Variants in COLGALT2 observed in about 807,000 individuals in gnomAD.
The protein encoded by COLGALT2 is procollagen galactosyltransferase 2.
COLGALT2 carries 49 observed loss-of-function variants against 73.4 expected under a neutral mutation model. That is an observed-to-expected ratio of 0.67 (90% CI 0.53 to 0.85). The LOEUF is 0.85. COLGALT2 is among the 40% of genes least tolerant of loss of function. The probability of loss-of-function intolerance (pLI) is 0.00; values close to 1 mark genes in which losing one functional copy is unlikely to be tolerated. For synonymous variants in COLGALT2, 295 were observed against 307.6 expected (o/e 0.96, Z 0.43); for missense variants, 722 against 790.2 (o/e 0.91, Z 1.03).
chr1:183,998,145 A>G (rs60313520), intron 1 of COLGALT2, among the ~76,000 whole-genome samples: 1,553 of 152,324 alleles, frequency 0.01, 23 homozygotes, highest in African/African-American at 0.036. Context: ...TGTCTATTGC[A>G]TATATATTCC....
At chr1:184,015,349 C>A (rs1003384239) in intron 1 of COLGALT2, among the ~76,000 whole-genome samples, 1 of 152,170 alleles carries the variant, frequency 6.6e-6, no homozygotes. Context: ...TGACCAGGTG[C>A]TCTAACCAAC....
chr1:183,963,195 G>A (rs778113362), intron 6 of COLGALT2, among the ~76,000 whole-genome samples: 5 of 152,152 alleles, frequency 3.3e-5, no homozygotes, highest in Non-Finnish European at 7.4e-5. Flanking sequence ...TAGTGTTTAA[G>A]GACATGAACT....
chr1:183,988,466 A>G (rs2102827869), intron 1 of COLGALT2, among the ~76,000 whole-genome samples: 1 of 152,238 alleles, frequency 6.6e-6, no homozygotes, highest in Non-Finnish European at 1.5e-5. Flanking sequence ...CATCACCTCA[A>G]AAAGAAACCC....
intron 6 of COLGALT2, among the ~76,000 whole-genome samples, chr1:183,961,269 T>C (rs1389344061): frequency 6.6e-6 from 1 of 152,232 alleles, no homozygotes. Flanking sequence ...AAATGAACTC[T>C]ACCTGGCTAG....
At chr1:184,019,624 A>G (rs1225648381) in intron 1 of COLGALT2, among the ~76,000 whole-genome samples, 2 of 152,234 alleles carry the variant, frequency 1.3e-5, no homozygotes, top group African/African-American at 2.4e-5. Context: ...TTTCAGAGGA[A>G]TAACACTCCA....
chr1:183,931,778 G>T (rs1669850821), downstream of COLGALT2, among the ~76,000 whole-genome samples: 1 of 145,708 alleles, frequency 6.9e-6, no homozygotes, highest in Non-Finnish European at 1.5e-5. Context: ...AATGAAAAGG[G>T]TTACCAATGC....
intron 6 of COLGALT2, among the ~76,000 whole-genome samples, chr1:183,960,656 C>G (rs1029553094): frequency 9.9e-5 from 15 of 152,214 alleles, no homozygotes; most frequent in Non-Finnish European, 1.8e-4. Flanking sequence ...TATACTAATG[C>G]AAGCTTGTTC....
intron 2 of COLGALT2, among the ~76,000 whole-genome samples, chr1:183,976,052 A>G (rs1021116990): frequency 2.0e-5 from 3 of 152,234 alleles, no homozygotes; most frequent in Non-Finnish European, 4.4e-5. Flanking sequence ...TATTGTTTCA[A>G]TGAAAATCAG....
chr1:184,023,143 A>C (rs1649226201), intron 1 of COLGALT2, among the ~76,000 whole-genome samples: 1 of 152,090 alleles, frequency 6.6e-6, no homozygotes, highest in Non-Finnish European at 1.5e-5. Context: ...TAAGGGGAAG[A>C]CTCCTTGAAA....
At position 184,023,651 on chromosome 1, in the gene COLGALT2, G is replaced by C. The variant is rs942399022; in HGVS notation, c.263+13444C>G. Among the ~76,000 whole-genome samples the C allele has an allele frequency of 1.7e-4, 26 of 151,934 alleles. 1 individual carries two copies. Among genetic ancestry groups the C allele is most frequent in the Non-Finnish European group, 3.4e-4 (23 of 67,972 alleles). On this transcript the variant is annotated intron_variant, in intron 1 of 11. Transcript: ENST00000361927. ...TCCAAAAGTGCGTGAGGTGGGGGGG[G>C]GGGGCGGTGCCGGAAGCATTCTAGG...
At chr1:184,025,401 G>T (rs1359368789) in intron 1 of COLGALT2, among the ~76,000 whole-genome samples, 1 of 152,232 alleles carries the variant, frequency 6.6e-6, no homozygotes, top group Non-Finnish European at 1.5e-5. Flanking sequence ...GAGGATTAGA[G>T]GCCCTAGACC....
intron 1 of COLGALT2, among the ~76,000 whole-genome samples, chr1:184,024,791 A>G (rs2102857616): frequency 6.6e-6 from 1 of 152,234 alleles, no homozygotes; most frequent in African/African-American, 2.4e-5. Flanking sequence ...CCTGTTATCA[A>G]AACTGGCTTC....
In COLGALT2 at chr1:184,034,036, T is replaced by C. The variant is rs568465308; in HGVS notation, c.263+3059A>G. ...TGCATAGAGCTTGGGAATGAGAAAC[T>C]AGAGGCAAGCAATCGGTAGAAGCAC... is the stretch of plus-strand genomic sequence containing the variant. On this transcript the variant is annotated intron_variant, in intron 1 of 11. Transcript: ENST00000361927. Among the ~76,000 whole-genome samples the C allele has an allele frequency of 3.9e-5, 6 of 152,318 alleles. No homozygotes were observed. In the South Asian group the frequency reaches 1.2e-3, roughly 32 times the overall value.
At chr1:183,954,676 G>C (rs1670504456) in intron 7 of COLGALT2, 86 bp downstream of exon 7, 1 of 1,055,108 alleles carries the variant, frequency 9.5e-7, no homozygotes, top group African/African-American at 1.6e-5. Flanking sequence ...CTGGCTCTCA[G>C]ATGCAAGCTC....
chr1:184,008,153 G>A (rs10911487), intron 1 of COLGALT2, among the ~76,000 whole-genome samples: 1 of 152,146 alleles, frequency 6.6e-6, no homozygotes, highest in Non-Finnish European at 1.5e-5. Context: ...CCAAAGACAC[G>A]TGACTTATAC....
At chr1:183,961,497 G>A (rs1020096535) in intron 6 of COLGALT2, among the ~76,000 whole-genome samples, 10 of 152,134 alleles carry the variant, frequency 6.6e-5, no homozygotes, top group African/African-American at 2.4e-4. Context: ...GCACTTTATC[G>A]AGAGGTAAAT....
At chr1:183,939,502 G>T (rs1437016413) in intron 11 of COLGALT2, among the ~76,000 whole-genome samples, 1 of 152,252 alleles carries the variant, frequency 6.6e-6, no homozygotes, top group Non-Finnish European at 1.5e-5. Flanking sequence ...TCCAACAGGT[G>T]TAAAGGAGAC....
chr1:183,989,017 A>G (rs1671563009), intron 1 of COLGALT2, among the ~76,000 whole-genome samples: 1 of 152,198 alleles, frequency 6.6e-6, no homozygotes, highest in Admixed American at 6.5e-5. Context: ...CCCATTTTAC[A>G]GAAGAGGAAT....
intron 11 of COLGALT2, among the ~76,000 whole-genome samples, chr1:183,939,820 C>T (rs2986544): frequency 0.17 from 25,187 of 152,156 alleles, 2,300 homozygotes; most frequent in Admixed American, 0.25. Flanking sequence ...GCTGCTCCAT[C>T]AATGAATTTA....
Sources: allele counts gnomAD v4.1 joint callset (sites outside exome capture counted in the v4.1 genomes callset), GRCh38; gene constraint gnomAD v4.1.1; transcripts MANE v1.5; gene names NCBI Gene and HGNC (gene_info 2026-07-23, HGNC 2026-07-21).